Variants in SLC35D4 observed in about 807,000 individuals in gnomAD.
The protein encoded by SLC35D4 is UDP-N-acetylglucosamine transporter SLC35D4.
the SLC35D4 span, among the ~76,000 whole-genome samples, chr18:23,434,150 TATA>T: frequency 6.6e-6 from 1 of 152,106 alleles, no homozygotes; most frequent in Non-Finnish European, 1.5e-5. Context: ...TTATAAGAGA[TATA>T]AAGTTCCTCA....
the SLC35D4 span, among the ~76,000 whole-genome samples, chr18:23,295,461 C>G: frequency 6.6e-6 from 1 of 151,802 alleles, no homozygotes; most frequent in South Asian, 2.1e-4. Flanking sequence ...GTGTAAGGTA[C>G]CTGTTTAATC....
chr18:23,431,153 C>CAAAAAAAAAAAAAAAAAAAAAAAAAAA, the SLC35D4 span, among the ~76,000 whole-genome samples: 1 of 66,248 alleles, frequency 1.5e-5, no homozygotes, highest in Non-Finnish European at 2.7e-5. Context: ...GAGTATATCT[C>CAAAAAAAAAAAAAAAAAAAAAAAAAAA]AAAAAAAAAA....
chr18:23,370,474 C>T, the SLC35D4 span, among the ~76,000 whole-genome samples: 28 of 152,302 alleles, frequency 1.8e-4, no homozygotes, highest in African/African-American at 6.0e-4. Context: ...TCTATGATAA[C>T]GCAGTCAGTC....
the SLC35D4 span, among the ~76,000 whole-genome samples, chr18:23,313,156 A>AAAAAAAAAAAAAAAAAAAAAT: frequency 4.8e-5 from 7 of 146,522 alleles, no homozygotes; most frequent in Non-Finnish European, 9.1e-5. Context: ...AAAAAAAAAA[A>AAAAAAAAAAAAAAAAAAAAAT]AGAACCTGAG....
chr18:23,338,025 T>C, the SLC35D4 span, among the ~76,000 whole-genome samples: 4 of 152,226 alleles, frequency 2.6e-5, no homozygotes, highest in South Asian at 2.1e-4. Context: ...GGCGTTGTTA[T>C]GGAGACAGCT....
At chr18:23,386,794 C>A in the SLC35D4 span, among the ~76,000 whole-genome samples, 7 of 151,130 alleles carry the variant, frequency 4.6e-5, no homozygotes, top group Non-Finnish European at 8.8e-5. Flanking sequence ...CTGGTACCTA[C>A]TGCACATTTC....
At chr18:23,358,355 C>A in the SLC35D4 span, among the ~76,000 whole-genome samples, 2 of 151,976 alleles carry the variant, frequency 1.3e-5, no homozygotes, top group African/African-American at 4.8e-5. Flanking sequence ...GGACTCATGG[C>A]GCGTGGCAGC....
chr18:23,377,668 T>C, the SLC35D4 span: 2 of 1,574,994 alleles, frequency 1.3e-6, no homozygotes, highest in African/African-American at 1.4e-5. Flanking sequence ...GCAGGAGATG[T>C]TTTCTGCATA....
chr18:23,343,501 A>T, the SLC35D4 span, among the ~76,000 whole-genome samples: 1 of 152,146 alleles, frequency 6.6e-6, no homozygotes. Context: ...TCCGCCTCTC[A>T]AAGTGCTAGG....
the SLC35D4 span, among the ~76,000 whole-genome samples, chr18:23,342,864 T>G: frequency 2.0e-5 from 3 of 152,244 alleles, no homozygotes; most frequent in Non-Finnish European, 1.5e-5. Flanking sequence ...TTAGATATCT[T>G]CTTTTATGAA....
chr18:23,248,492 A>G, the SLC35D4 span, among the ~76,000 whole-genome samples: 1 of 146,824 alleles, frequency 6.8e-6, no homozygotes, highest in Non-Finnish European at 1.5e-5. Flanking sequence ...CCCACCTGGC[A>G]ATGTAGCAAG....
the SLC35D4 span, among the ~76,000 whole-genome samples, chr18:23,267,321 T>C: frequency 5.3e-5 from 8 of 152,068 alleles, no homozygotes; most frequent in Non-Finnish European, 1.2e-4. Flanking sequence ...AATTTCAGGG[T>C]GTCTATGACA....
At chr18:23,376,894 G>T in the SLC35D4 span, 5 of 456,710 alleles carry the variant, frequency 1.1e-5, no homozygotes, top group Non-Finnish European at 2.2e-5. Flanking sequence ...TTTTAAACAG[G>T]AGGATAGTCT....
chr18:23,283,529 G>A, the SLC35D4 span, among the ~76,000 whole-genome samples: 2 of 151,138 alleles, frequency 1.3e-5, no homozygotes, highest in African/African-American at 2.4e-5. Context: ...AAGAAAGTAG[G>A]CTAGGCACAG....
At chr18:23,258,572 A>AGAGG in the SLC35D4 span, 2 of 152,310 alleles carry the variant, frequency 1.3e-5, no homozygotes, top group South Asian at 4.1e-4. Flanking sequence ...GCTGCAAGAG[A>AGAGG]GAGGCACCAG....
the SLC35D4 span, among the ~76,000 whole-genome samples, chr18:23,376,389 G>A: frequency 2.0e-5 from 3 of 152,196 alleles, no homozygotes; most frequent in Non-Finnish European, 4.4e-5. Context: ...AGGGGCCCTC[G>A]GAGCTGAGGC....
At chr18:23,247,158 A>G in the SLC35D4 span, among the ~76,000 whole-genome samples, 1 of 152,204 alleles carries the variant, frequency 6.6e-6, no homozygotes, top group African/African-American at 2.4e-5. Flanking sequence ...CCCCAGCACT[A>G]AAGAGAGGAT....
the SLC35D4 span, among the ~76,000 whole-genome samples, chr18:23,414,295 G>GA: frequency 8.1e-6 from 1 of 124,048 alleles, no homozygotes; most frequent in Non-Finnish European, 1.7e-5. Flanking sequence ...AAAAGGAAAG[G>GA]AGGAAGGAAG....
chr18:23,316,814 A>C, the SLC35D4 span, among the ~76,000 whole-genome samples: 1 of 152,206 alleles, frequency 6.6e-6, no homozygotes, highest in Non-Finnish European at 1.5e-5. Flanking sequence ...ATGAAAGATA[A>C]GGGAAGAAAG....
Sources: allele counts gnomAD v4.1 joint callset (sites outside exome capture counted in the v4.1 genomes callset), GRCh38; gene constraint gnomAD v4.1.1; transcripts MANE v1.5; gene names NCBI Gene and HGNC (gene_info 2026-07-23, HGNC 2026-07-21).